MTHFD1L: variants seen among roughly 807,000 people sequenced by gnomAD.
MTHFD1L encodes the protein monofunctional C1-tetrahydrofolate synthase, mitochondrial.
MTHFD1L carries 81 observed loss-of-function variants against 119.5 expected under a neutral mutation model. That is an observed-to-expected ratio of 0.68 (90% confidence interval 0.57 to 0.82). The LOEUF (loss-of-function observed/expected upper bound fraction) is 0.82. Among genes scored for constraint, MTHFD1L ranks in the 40% least tolerant of loss-of-function variants. The pLI is 0.00. For synonymous variants in MTHFD1L, 430 were observed against 475.2 expected (o/e 0.90, Z 1.24); for missense variants, 1,125 against 1,253.4 (o/e 0.90, Z 1.55).
chr6:150,925,306 A>G (rs1789749518), intron 10 of MTHFD1L, among the ~76,000 whole-genome samples: 2 of 152,176 alleles, frequency 1.3e-5, no homozygotes, highest in African/African-American at 4.8e-5. Context: ...TGTGCCTTCC[A>G]TCTCTCACTC....
At chr6:150,991,962 T>C (rs1779120040) in intron 20 of MTHFD1L, among the ~76,000 whole-genome samples, 1 of 152,132 alleles carries the variant, frequency 6.6e-6, no homozygotes, top group African/African-American at 2.4e-5. Context: ...GTAAAGCAAA[T>C]AGACTGGAGT....
chr6:150,986,848 G>A (rs549106442), intron 20 of MTHFD1L, among the ~76,000 whole-genome samples: 2 of 152,100 alleles, frequency 1.3e-5, no homozygotes, highest in Non-Finnish European at 2.9e-5. Flanking sequence ...GGGACTACAG[G>A]CATCTACCAT....
chr6:151,026,739 CTG>C (rs577171237), intron 24 of MTHFD1L, among the ~76,000 whole-genome samples: 2 of 151,142 alleles, frequency 1.3e-5, no homozygotes, highest in African/African-American at 2.4e-5. Flanking sequence ...CCACTCAGCC[CTG>C]TGTTTGACAC....
intron 24 of MTHFD1L, among the ~76,000 whole-genome samples, chr6:151,022,707 C>T (rs1384323671): frequency 6.6e-6 from 1 of 152,188 alleles, no homozygotes; most frequent in East Asian, 1.9e-4. Flanking sequence ...CGCCCAGGGC[C>T]AGCCTGAGTC....
intron 7 of MTHFD1L, among the ~76,000 whole-genome samples, chr6:150,892,032 A>G (rs762951790): frequency 7.2e-5 from 11 of 152,210 alleles, no homozygotes; most frequent in Non-Finnish European, 1.5e-4. Flanking sequence ...AAGACAGCTC[A>G]GGAAGGCAGC....
intron 26 of MTHFD1L, among the ~76,000 whole-genome samples, chr6:151,076,252 G>T (rs1477579826): frequency 1.3e-5 from 2 of 151,844 alleles, no homozygotes; most frequent in Non-Finnish European, 2.9e-5. Flanking sequence ...CACTTGGGAG[G>T]ATGAGGTGGG....
In MTHFD1L at chr6:150,904,753, T is replaced by G. The variant is rs181633417; in HGVS notation, c.781-897T>G. Among the ~76,000 whole-genome samples the G allele has an allele frequency of 1.2e-3, 177 of 152,294 alleles. 1 individual carries two copies. Among genetic ancestry groups the G allele is most frequent in the African/African-American group, 4.2e-3 (173 of 41,568 alleles). On this transcript the variant is annotated intron_variant, in intron 7 of 27. Transcript: ENST00000367321. ...TAATGTCAACTTCCTACCAGACATG[T>G]TCCTCCCGCACTGGATGATCAAAAT...
chr6:150,889,409 C>T lies in MTHFD1L; in HGVS notation c.780+1428C>T, dbSNP rs576564600. Among the ~76,000 whole-genome samples the T allele has an allele frequency of 3.9e-5, 6 of 152,184 alleles. No homozygotes were observed. In the South Asian group the frequency reaches 1.2e-3, roughly 32 times the overall value. On this transcript the variant is annotated intron_variant, in intron 7 of 27. Transcript: ENST00000367321. ...TAAGAGACCCCAAAAGCACAGATTG[C>T]TAAAGAAAAGGTATATAAATCTGAC...
intron 20 of MTHFD1L, among the ~76,000 whole-genome samples, chr6:150,987,041 TTA>T (rs764441700): frequency 6.6e-6 from 1 of 152,138 alleles, no homozygotes; most frequent in Non-Finnish European, 1.5e-5. Flanking sequence ...GCCAAATGCA[TTA>T]TGAAGAAAAA....
chr6:151,012,784 C>A lies in MTHFD1L; in HGVS notation c.2266-995C>A, dbSNP rs1782492977. ...ACATGATTACAGAAGCTGGCAAGTC[C>A]AAAATCTGCACTGTGGGCTGGCAAG... is the stretch of plus-strand genomic sequence containing the variant. On this transcript the variant is annotated intron_variant, in intron 21 of 27. Coordinates refer to ENST00000367321, the MANE Select transcript of MTHFD1L (RefSeq NM_015440.5). Among the ~76,000 whole-genome samples, 3 of 152,174 alleles carry A rather than the reference C, an allele frequency of 2.0e-5. No homozygotes were observed. The South Asian group carries it at 6.2e-4, about 32-fold the overall frequency.
chr6:151,041,258 G>T (rs947132274), intron 26 of MTHFD1L, among the ~76,000 whole-genome samples: 33 of 152,238 alleles, frequency 2.2e-4, no homozygotes, highest in Non-Finnish European at 5.9e-5. Flanking sequence ...GAGGGGCCAG[G>T]ATCTCCTAAT....
intron 26 of MTHFD1L, among the ~76,000 whole-genome samples, chr6:151,062,232 C>T (rs4349819): frequency 0.032 from 4,928 of 152,214 alleles, 159 homozygotes; most frequent in Admixed American, 0.1. Context: ...GTCAGGAGAT[C>T]GAGACCATTC....
chr6:150,985,595 A>G (rs1778174247), intron 20 of MTHFD1L, among the ~76,000 whole-genome samples: 1 of 134,290 alleles, frequency 7.4e-6, no homozygotes, highest in South Asian at 2.5e-4. Flanking sequence ...TGGAAGGTGG[A>G]GGTTGCGGTG....
intron 7 of MTHFD1L, among the ~76,000 whole-genome samples, chr6:150,900,840 C>T (rs910292504): frequency 6.6e-6 from 1 of 151,638 alleles, no homozygotes; most frequent in African/African-American, 2.4e-5. Context: ...ATGGTGAAAC[C>T]CTGTCTCTAC....
intron 24 of MTHFD1L, among the ~76,000 whole-genome samples, chr6:151,033,794 T>C (rs759012051): frequency 6.6e-6 from 1 of 152,210 alleles, no homozygotes; most frequent in Non-Finnish European, 1.5e-5. Flanking sequence ...TTTTTAATAC[T>C]ATGAACCCGT....
chr6:151,018,710 CTGAG>C (rs1783502832), intron 24 of MTHFD1L, among the ~76,000 whole-genome samples: 2 of 152,094 alleles, frequency 1.3e-5, no homozygotes, highest in Non-Finnish European at 2.9e-5. Flanking sequence ...GGGACAGTGA[CTGAG>C]TGACCCCCCT....
chr6:151,093,822 G>A (rs1794664867), intron 27 of MTHFD1L, among the ~76,000 whole-genome samples: 1 of 152,162 alleles, frequency 6.6e-6, no homozygotes, highest in Non-Finnish European at 1.5e-5. Context: ...TTTAACTAGA[G>A]GGCCCCATGG....
intron 13 of MTHFD1L, among the ~76,000 whole-genome samples, chr6:150,943,783 C>T (rs1793529081): frequency 6.6e-6 from 1 of 152,090 alleles, no homozygotes; most frequent in Admixed American, 6.6e-5. Flanking sequence ...ATCGAGTGTG[C>T]TCATGAGACT....
chr6:150,930,356 G>A (rs538241881), intron 11 of MTHFD1L, among the ~76,000 whole-genome samples: 1 of 152,200 alleles, frequency 6.6e-6, no homozygotes, highest in African/African-American at 2.4e-5. Context: ...CAGGTCAAGC[G>A]TTAGGGGGAA....
Sources: gnomAD v4.1 joint callset for allele counts (sites outside exome capture counted in the v4.1 genomes callset) on GRCh38, gnomAD v4.1.1 for gene constraint, MANE v1.5 for transcripts, NCBI Gene and HGNC (gene_info 2026-07-23, HGNC 2026-07-21) for gene names.